Variants in COL5A1 observed in about 807,000 individuals in gnomAD.
The protein encoded by COL5A1 is collagen type V alpha 1 chain.
A neutral mutation model predicts 263.7 loss-of-function variants in COL5A1; 16 were observed. The observed-to-expected ratio is 0.06, with a 90% CI of 0.04 to 0.09. The LOEUF is 0.09. COL5A1 is among the 10% of genes least tolerant of loss of function. The pLI is 1.00. For missense variants in COL5A1, 2,036 were observed against 2,540.5 expected (o/e 0.80, Z 4.27); for synonymous variants, 1,012 against 1,004.5 (o/e 1.01, Z -0.14).
At chr9:134,817,683 C>CCACA in intron 53 of COL5A1, 95 bp from the exon 54 acceptor site, 1 of 1,063,540 alleles carries the variant, frequency 9.4e-7, no homozygotes, top group East Asian at 2.7e-5. Context: ...CCCCTGCAGG[C>CCACA]CACACACACA....
At chr9:134,791,620 C>CT (rs999234763) in intron 32 of COL5A1, among the ~76,000 whole-genome samples, 7 of 151,926 alleles carry the variant, frequency 4.6e-5, no homozygotes, top group Admixed American at 2.0e-4. Flanking sequence ...GACCCTTCCT[C>CT]TTTTGTTGAC....
chr9:134,701,037 C>T, intron 3 of COL5A1, 134 bp from the exon 4 acceptor site: 2 of 869,770 alleles, frequency 2.3e-6, no homozygotes, highest in Non-Finnish European at 3.7e-6. Context: ...AGAGGCTGGG[C>T]CTTGATCTGC....
chr9:134,839,231 C>T lies in COL5A1; in HGVS notation c.5371-2926C>T, dbSNP rs575208820. Among the ~76,000 whole-genome samples, 288 of 152,344 alleles carry T rather than the reference C, an allele frequency of 1.9e-3. 2 individuals are homozygous for T. Among genetic ancestry groups the T allele is most frequent in the South Asian group, 3.9e-3 (19 of 4,830 alleles). ...CTGCAAGAGGGCCCAGGCACCCCGCCGCATAAATCCTGGTGTTTGTGCAGC... is the reference window on the plus strand; with the variant it reads ...CTGCAAGAGGGCCCAGGCACCCCGCTGCATAAATCCTGGTGTTTGTGCAGC... On this transcript the variant is annotated intron_variant, in intron 65 of 65. Transcript: ENST00000371817.
At chr9:134,798,338 GGC>G in intron 36 of COL5A1, 68 bp from the exon 37 acceptor site, 1 of 1,394,014 alleles carries the variant, frequency 7.2e-7, no homozygotes, top group Non-Finnish European at 1.0e-6. Flanking sequence ...CACTCCACGT[GGC>G]ATTAATTCTC....
chr9:134,811,457 A>G, intron 45 of COL5A1, 35 bp from the exon 46 acceptor site: 1 of 1,613,560 alleles, frequency 6.2e-7, no homozygotes, highest in Non-Finnish European at 8.5e-7. Flanking sequence ...TGGCATTGCC[A>G]GCATCCTCAC....
intron 46 of COL5A1, 66 bp downstream of exon 46, chr9:134,811,665 CT>C (rs1334005892): frequency 3.1e-6 from 4 of 1,293,588 alleles, no homozygotes; most frequent in Non-Finnish European, 4.4e-6. Context: ...CTTCATTGTG[CT>C]CTCTCCTCTT....
At chr9:134,826,076 A>C (rs895966262) in intron 63 of COL5A1, among the ~76,000 whole-genome samples, 172 bp downstream of exon 63, 3 of 152,226 alleles carry the variant, frequency 2.0e-5, no homozygotes, top group African/African-American at 7.2e-5. Context: ...TGTTTTAAGA[A>C]ATTTTTTAGT....
At position 134,754,460 on chromosome 9, in the gene COL5A1, C is replaced by T. The variant is rs528098067; in HGVS notation, c.1827+134C>T. 1,017 of 1,001,062 alleles carry T rather than the reference C, an allele frequency of 1.0e-3. 9 individuals are homozygous for T. Among genetic ancestry groups the T allele is most frequent in the Middle Eastern group, 2.8e-4 (1 of 3,592 alleles). 62.0% of individuals were successfully genotyped at this position (1,001,062 alleles called of 1,614,324 possible). On this transcript the variant is annotated intron_variant, in intron 16 of 65. Coordinates refer to ENST00000371817, the MANE Select transcript of COL5A1 (RefSeq NM_000093.5). This position sits in a 1 kb window ranked among gnomAD's most constrained non-coding sequence, Gnocchi z 4.3. The stretch of plus-strand genomic sequence containing the variant: ...GTGGCTCCCCTTCTTGTGATGGGTG[C>T]GTCCATCCCCAAGGCTGCCTCTGAG...
rs554072732 is a variant in COL5A1 at position 134,819,075 on chromosome 9, C to T, written c.4446+22C>T. On this transcript the variant is annotated intron_variant, in intron 57 of 65. Transcript: ENST00000371817. ...AAAGGTAAGAGGGGCCTCCCTGCCC[C>T]AGCAACTGTGACTCGGGGCCTTCAA... 18 of 1,612,556 alleles carry T rather than the reference C, an allele frequency of 1.1e-5. No individual in the cohort carries two copies. The South Asian group carries it at 2.0e-4, about 18-fold the overall frequency.
chr9:134,755,501 G>T lies in COL5A1; in HGVS notation c.1827+1175G>T, dbSNP rs925814836. On this transcript the variant is annotated intron_variant, in intron 16 of 65. Transcript: ENST00000371817. This position sits in a 1 kb window ranked among gnomAD's most constrained non-coding sequence, Gnocchi z 4.1. ...AAGAAAAGATGGTGGTGAGAGAGGGGCTTGGAGCTGAGGGGTCGATTCCAA... is the reference window on the plus strand; with the variant it reads ...AAGAAAAGATGGTGGTGAGAGAGGGTCTTGGAGCTGAGGGGTCGATTCCAA... 2.0e-5 allele frequency among the ~76,000 whole-genome samples: 3 copies of T among 152,194 alleles called. No individual in the cohort carries two copies. The highest frequency in any genetic ancestry group is 2.0e-4 in the Admixed American group (3 of 15,288).
intron 11 of COL5A1, among the ~76,000 whole-genome samples, chr9:134,746,483 G>A (rs1835517532): frequency 6.6e-6 from 1 of 152,234 alleles, no homozygotes; most frequent in Non-Finnish European, 1.5e-5. Flanking sequence ...AGGGTCTCGT[G>A]GGGACAGTTT....
chr9:134,708,422 G>T (rs116312634), intron 4 of COL5A1: 61 of 408,358 alleles, frequency 1.5e-4, no homozygotes, highest in Admixed American at 2.0e-4. Context: ...CAACTCCCGG[G>T]GTGGGGGCTC....
chr9:134,778,096 T>C (rs1247293231), intron 27 of COL5A1, among the ~76,000 whole-genome samples: 1 of 152,234 alleles, frequency 6.6e-6, no homozygotes, highest in East Asian at 1.9e-4. Context: ...TCTGAGGCGA[T>C]GCCACGCCGT....
intron 65 of COL5A1, among the ~76,000 whole-genome samples, chr9:134,838,801 C>T (rs932422928): frequency 1.3e-5 from 2 of 152,204 alleles, no homozygotes; most frequent in African/African-American, 4.8e-5. Context: ...AACTGCCTAA[C>T]CCCAGATGGC....
chr9:134,776,464 C>A (rs1837054282), intron 27 of COL5A1, among the ~76,000 whole-genome samples: 1 of 152,168 alleles, frequency 6.6e-6, no homozygotes, highest in African/African-American at 2.4e-5. Context: ...GACTTGGAAG[C>A]AGAGGGTGGA....
intron 64 of COL5A1, among the ~76,000 whole-genome samples, chr9:134,832,128 G>A (rs1839659289): frequency 6.6e-6 from 1 of 151,946 alleles, no homozygotes. Flanking sequence ...AAAATGGGCT[G>A]GGCAGGTTGG....
In COL5A1 at chr9:134,806,312, G is replaced by A. The variant is rs1403703393; in HGVS notation, c.3366+16G>A. On this transcript the variant is annotated intron_variant, in intron 42 of 65. Transcript: ENST00000371817. ...AGGGGCTCCTGTAAGTACTGCCTTG[G>A]ATTGGGGGAGCCCTTCCCTCAGAGA... is the stretch of plus-strand genomic sequence containing the variant. The A allele has an allele frequency of 6.6e-7, 1 of 1,516,948 alleles. No homozygotes were observed. Among genetic ancestry groups the A allele is most frequent in the Admixed American group, 2.0e-5 (1 of 50,650 alleles). 94.0% of individuals were successfully genotyped at this position (1,516,948 alleles called of 1,614,324 possible).
intron 41 of COL5A1, among the ~76,000 whole-genome samples, chr9:134,805,956 C>T (rs892311651): frequency 1.3e-5 from 2 of 152,096 alleles, no homozygotes; most frequent in South Asian, 4.1e-4. Context: ...GCAAGCACAC[C>T]ACAGGGCACA....
At chr9:134,753,275 C>T (rs1175563129) in intron 14 of COL5A1, among the ~76,000 whole-genome samples, 1 of 152,218 alleles carries the variant, frequency 6.6e-6, no homozygotes, top group African/African-American at 2.4e-5. Flanking sequence ...GCATGAGAAA[C>T]ATACAGTGTG....
Sources: allele counts gnomAD v4.1 joint callset (sites outside exome capture counted in the v4.1 genomes callset), GRCh38; gene constraint gnomAD v4.1.1; non-coding constraint Gnocchi (gnomAD v3.1); transcripts MANE v1.5; gene names NCBI Gene and HGNC (gene_info 2026-07-23, HGNC 2026-07-21).